RRBP1: variants seen among roughly 807,000 people sequenced by gnomAD.
RRBP1 encodes ribosome-binding protein 1.
A neutral mutation model predicts 165.2 loss-of-function variants in RRBP1; 94 were observed. The observed-to-expected ratio is 0.57, with a 90% confidence interval of 0.48 to 0.68. The LOEUF (loss-of-function observed/expected upper bound fraction) is 0.68. Ranked by LOEUF, RRBP1 falls within the 30% of genes least tolerant of loss-of-function variation. RRBP1 has a pLI of 0.00. For synonymous variants in RRBP1, 680 were observed against 714.5 expected, an observed-to-expected ratio of 0.95 and a Z score of 0.77; for missense variants, 1,676 against 1,763.0, an observed-to-expected ratio of 0.95 and a Z score of 0.88.
intron 2 of RRBP1, among the ~76,000 whole-genome samples, chr20:17,664,297 C>T (rs371407694): frequency 2.8e-4 from 42 of 152,274 alleles, no homozygotes; most frequent in Non-Finnish European, 5.3e-4. Context: ...CGTTCACATC[C>T]CAGGCAAGAC....
rs1162945057 is a variant in RRBP1, at chr20:17,659,662, C to T, written c.846G>A (p.Val282=). The change falls in exon 3 of 25, where the codon GTG becomes GTA. Residue 282 remains valine, a synonymous_variant. Transcript: ENST00000377813. ...VDTTPNQGKK[V]EGAPTQGRKA... is the part of the protein sequence containing the mutation. Reference sequence around the variant, plus strand: ...TTCTGCCCTGGGTTGGGGCCCCCTCCACCTTTTTCCCCTGGTTTGGGGTTG... The same window carrying T: ...TTCTGCCCTGGGTTGGGGCCCCCTCTACCTTTTTCCCCTGGTTTGGGGTTG... 1.3e-6 allele frequency: 2 copies of T among 1,548,562 alleles called. No homozygotes were observed. Among genetic ancestry groups the T allele is most frequent in the Non-Finnish European group, 1.7e-6 (2 of 1,146,408 alleles).
chr20:17,614,001 C>T lies in RRBP1; in HGVS notation c.*181G>A. The T allele has an allele frequency of 1.6e-6, 1 of 632,456 alleles. No homozygotes were observed. Among genetic ancestry groups the T allele is most frequent in the Non-Finnish European group, 2.8e-6 (1 of 350,950 alleles). 39.2% of individuals were successfully genotyped at this position (632,456 alleles called of 1,614,324 possible). A position where few individuals can be genotyped will look rare whatever the true frequency, so the allele number is the denominator to read the frequency against. On this transcript the variant is annotated 3_prime_UTR_variant, in exon 25 of 25. Coordinates refer to ENST00000377813, the MANE Select transcript of RRBP1 (RefSeq NM_001365613.2). Reference sequence around the variant, plus strand: ...ATCAAATGTGACACAGGTTCATTTACAAACTGGGGCTCTGGAAGGTCTACT... The same window carrying T: ...ATCAAATGTGACACAGGTTCATTTATAAACTGGGGCTCTGGAAGGTCTACT...
At chr20:17,655,806 G>A (rs554145226) in intron 3 of RRBP1, among the ~76,000 whole-genome samples, 7 of 152,138 alleles carry the variant, frequency 4.6e-5, no homozygotes, top group Non-Finnish European at 1.0e-4. Context: ...TTATATTAAC[G>A]GTTTTTAAAT....
intron 2 of RRBP1, among the ~76,000 whole-genome samples, chr20:17,669,541 A>G (rs979052081): frequency 1.3e-5 from 2 of 152,370 alleles, no homozygotes; most frequent in Admixed American, 1.3e-4. Flanking sequence ...CAAATATGGT[A>G]AGTGATGAAT....
Position 17,613,895 on chromosome 20 carries a change from C to T in RRBP1, c.*287G>A, listed in dbSNP as rs1275405973. ...AGACCCCAGAGCGCCCGGCCTCCCA[C>T]ACACCCACGGGGCTGTCAGAGTCAA... On this transcript the variant is annotated 3_prime_UTR_variant, in exon 25 of 25. Coordinates refer to ENST00000377813, the MANE Select transcript of RRBP1 (RefSeq NM_001365613.2). 4.9e-6 allele frequency: 2 copies of T among 404,828 alleles called. No homozygotes were observed. Among genetic ancestry groups the T allele is most frequent in the Non-Finnish European group, 9.0e-6 (2 of 221,980 alleles). The allele number at this position is 404,828 out of a possible 1,614,324, so 25.1% of individuals were successfully genotyped here.
intron 2 of RRBP1, among the ~76,000 whole-genome samples, chr20:17,677,676 C>T (rs1234443234): frequency 3.3e-5 from 5 of 152,058 alleles, no homozygotes; most frequent in Non-Finnish European, 5.9e-5. Context: ...CCCGTCTCTA[C>T]TAAAAATACA....
At position 17,674,887 on chromosome 20, in the gene RRBP1, G is replaced by A. The variant is rs542633039; in HGVS notation, c.-22+5112C>T. 1.6e-3 allele frequency among the ~76,000 whole-genome samples: 241 copies of A among 152,366 alleles called. 1 individual carries two copies. Among genetic ancestry groups the A allele is most frequent in the Non-Finnish European group, 3.2e-3 (220 of 68,034 alleles). On this transcript the variant is annotated intron_variant, in intron 2 of 24. Transcript: ENST00000377813. ...AAATGTTCTGTTTCCTGGTGAGTGT[G>A]TCGTCACTGAAATGCTCAGTGACTC...
At chr20:17,630,150 C>CA (rs1230055043) in intron 8 of RRBP1, among the ~76,000 whole-genome samples, 189 bp from the exon 9 acceptor site, 1 of 152,250 alleles carries the variant, frequency 6.6e-6, no homozygotes, top group African/African-American at 2.4e-5. Flanking sequence ...AGAACCCTTT[C>CA]ATGGGGAGAA....
chr20:17,658,772 T>G lies in RRBP1; in HGVS notation c.1736A>C (p.Lys579Thr). Residue 579 changes from lysine (K) to threonine (T), a missense_variant, in exon 3 of 25, where the codon AAG (lysine) becomes ACG (threonine). Around this residue, in one of 5 missense-constraint regions of RRBP1, gnomAD observed 1,184 missense variants for 1,167.1 expected, o/e 1.01. Coordinates refer to ENST00000377813, the MANE Select transcript of RRBP1 (RefSeq NM_001365613.2). ...KAEGSPSEGK[K>T]AEGSPNQGKK... ...GCCTTGGTTGGGGGACCCTTCTGCCTTTTTGCCTTCACTGGGGGACCCTTC... is the reference window on the plus strand; with the variant it reads ...GCCTTGGTTGGGGGACCCTTCTGCCGTTTTGCCTTCACTGGGGGACCCTTC... The G allele has an allele frequency of 6.2e-7, 1 of 1,613,966 alleles. No homozygotes were observed. Among genetic ancestry groups the G allele is most frequent in the Non-Finnish European group, 8.5e-7 (1 of 1,179,872 alleles).
intron 2 of RRBP1, among the ~76,000 whole-genome samples, chr20:17,662,507 C>T (rs1179360291): frequency 6.6e-6 from 1 of 152,144 alleles, no homozygotes; most frequent in Non-Finnish European, 1.5e-5. Context: ...TCTACAAAGT[C>T]TTAGGGGAGC....
chr20:17,626,460 G>A (rs937890464), intron 11 of RRBP1, among the ~76,000 whole-genome samples: 36 of 152,320 alleles, frequency 2.4e-4, no homozygotes, highest in African/African-American at 7.2e-4. Context: ...CAAATGCCAG[G>A]GAACATGGGC....
chr20:17,658,811 T>A lies in RRBP1; in HGVS notation c.1697A>T (p.Gln566Leu). The change falls in exon 3 of 25, where the codon CAG becomes CTG. Residue 566 changes from glutamine (Q) to leucine (L), a missense_variant. Transcript: ENST00000377813. ...QGTKVEGITN[Q>L]GKKAEGSPSE... ...GGGGGACCCTTCTGCTTTTTTCCCC[T>A]GGTTTGTAATACCCTCTACCTTTGT... is the stretch of plus-strand genomic sequence containing the variant. 2 of 1,614,062 alleles carry A rather than the reference T, an allele frequency of 1.2e-6. No homozygotes were observed. Among genetic ancestry groups the A allele is most frequent in the East Asian group, 4.5e-5 (2 of 44,872 alleles).
In RRBP1 at chr20:17,620,818, A is replaced by G; in HGVS notation, c.3415-11T>C. On this transcript the variant is annotated splice_polypyrimidine_tract_variant and intron_variant, in intron 16 of 24. Coordinates refer to ENST00000377813, the MANE Select transcript of RRBP1 (RefSeq NM_001365613.2). Reference sequence around the variant, plus strand: ...TCTGAGCATGCCCTCCTGGGGGGAAACCGAGGTGAGGCAGGGCCCTCTCCC... The same window carrying G: ...TCTGAGCATGCCCTCCTGGGGGGAAGCCGAGGTGAGGCAGGGCCCTCTCCC... 1.3e-6 allele frequency: 2 copies of G among 1,594,738 alleles called. No individual in the cohort carries two copies. The highest frequency in any genetic ancestry group is 1.1e-5 in the South Asian group (1 of 90,478).
intron 11 of RRBP1, 64 bp downstream of exon 11, chr20:17,627,284 C>T (rs888937676): frequency 2.5e-6 from 4 of 1,576,226 alleles, no homozygotes; most frequent in Middle Eastern, 2.3e-4. Flanking sequence ...CCCTGGCCCC[C>T]CAAGGGTCTT....
At chr20:17,657,765 T>C (rs574857296) in intron 3 of RRBP1, among the ~76,000 whole-genome samples, 2 of 152,144 alleles carry the variant, frequency 1.3e-5, no homozygotes, top group African/African-American at 2.4e-5. Flanking sequence ...TGATCACATA[T>C]ATATCTATGT....
At chr20:17,664,266 T>G (rs945213669) in intron 2 of RRBP1, among the ~76,000 whole-genome samples, 2 of 152,096 alleles carry the variant, frequency 1.3e-5, no homozygotes, top group Admixed American at 1.3e-4. Flanking sequence ...ACAGACGGCG[T>G]GAATCCACTG....
At chr20:17,629,487 G>T (rs1013641460) in intron 9 of RRBP1, among the ~76,000 whole-genome samples, 1 of 152,144 alleles carries the variant, frequency 6.6e-6, no homozygotes, top group African/African-American at 2.4e-5. Flanking sequence ...ACCCAGGCTT[G>T]GGAGGGAAGC....
chr20:17,624,992 G>A (rs1357252698), intron 12 of RRBP1, among the ~76,000 whole-genome samples: 3 of 152,238 alleles, frequency 2.0e-5, no homozygotes, highest in Admixed American at 6.5e-5. Context: ...AATGGTTAGT[G>A]CTGATCCCTT....
Position 17,659,473 on chromosome 20 carries a change from G to A in RRBP1, c.1035C>T (p.Ala345=), listed in dbSNP as rs1242029463. Residue 345 remains alanine, a synonymous_variant, in exon 3 of 25, where the codon GCC becomes GCT. Coordinates refer to ENST00000377813, the MANE Select transcript of RRBP1 (RefSeq NM_001365613.2). ...CCTCGGCCTTCTTGCCCTGATTCTG[G>A]GCCCCCTCGGCCTTCTTGCCCTGAT... is the stretch of plus-strand genomic sequence containing the variant. The part of the protein sequence containing the change: ...AQNQGKKAEG[A]QNQGKKAEGA... 3.5e-6 allele frequency: 5 copies of A among 1,431,052 alleles called. No homozygotes were observed. The African/African-American group carries it at 4.7e-5, about 13-fold the overall frequency. The allele number at this position is 1,431,052 out of a possible 1,614,324, so 88.6% of individuals were successfully genotyped here.
Sources: gnomAD v4.1 joint callset for allele counts (sites outside exome capture counted in the v4.1 genomes callset) on GRCh38, gnomAD v4.1.1 for gene constraint, gnomAD v4.1.1 regional missense constraint, MANE v1.5 for transcripts, NCBI Gene and HGNC (gene_info 2026-07-23, HGNC 2026-07-21) for gene names.